Variants in HOOK3 observed in about 807,000 individuals in gnomAD.
HOOK3 encodes protein Hook homolog 3.
A neutral mutation model predicts 116.3 loss-of-function variants in HOOK3; 24 were observed. The observed-to-expected ratio is 0.21, with a 90% CI of 0.15 to 0.29. The LOEUF (loss-of-function observed/expected upper bound fraction) is 0.29. Among genes scored for constraint, HOOK3 ranks in the 10% least tolerant of loss-of-function variants. The pLI is 1.00. For missense variants in HOOK3, 632 were observed against 830.2 expected, an observed-to-expected ratio of 0.76 and a Z score of 2.93; for synonymous variants, 275 against 283.0, an observed-to-expected ratio of 0.97 and a Z score of 0.28.
chr8:43,018,349 A>G lies in HOOK3; in HGVS notation c.2017-9A>G, dbSNP rs768914739. On this transcript the variant is annotated splice_polypyrimidine_tract_variant and intron_variant, in intron 21 of 21. Coordinates refer to ENST00000307602, the MANE Select transcript of HOOK3 (RefSeq NM_032410.4). ...TTCATTGATTCCTTTTTTTGTTTTA[A>G]TGTTGCAGGGAATGACCCTGCATAA... 6.4e-7 allele frequency: 1 copy of G among 1,558,508 alleles called. No homozygotes were observed. The highest frequency in any genetic ancestry group is 2.3e-5 in the East Asian group (1 of 44,062).
At chr8:42,943,251 GTTTTT>G in intron 4 of HOOK3, 57 bp from the exon 5 acceptor site, 1 of 873,392 alleles carries the variant, frequency 1.1e-6, no homozygotes, top group Non-Finnish European at 1.5e-6. Context: ...CCTCGATCAA[GTTTTT>G]TTTTTTTTTG....
intron 15 of HOOK3, among the ~76,000 whole-genome samples, chr8:42,996,886 G>A (rs960586918): frequency 6.8e-6 from 1 of 147,606 alleles, no homozygotes; most frequent in African/African-American, 2.5e-5. Flanking sequence ...TTCCGTGAGG[G>A]CAGGGATCTT....
chr8:42,912,833 G>A (rs1485661856), intron 2 of HOOK3, among the ~76,000 whole-genome samples: 1 of 152,094 alleles, frequency 6.6e-6, no homozygotes, highest in Admixed American at 6.6e-5. Context: ...TGACAAATGC[G>A]TTTTATGTAT....
chr8:42,924,265 A>G (rs1807719215), intron 2 of HOOK3, among the ~76,000 whole-genome samples: 1 of 152,078 alleles, frequency 6.6e-6, no homozygotes, highest in Non-Finnish European at 1.5e-5. Flanking sequence ...ATCAATTTCA[A>G]AACCTGTAAA....
At position 42,932,071 on chromosome 8, in the gene HOOK3, G is replaced by A. The variant is rs138216668; in HGVS notation, c.267+1899G>A. On this transcript the variant is annotated intron_variant, in intron 4 of 21. Transcript: ENST00000307602. The stretch of plus-strand genomic sequence containing the variant: ...TTATATTATTAGAGCCATGAAATGA[G>A]GTTGGAGCCAGACCTCATGTAGTCA... 9.2e-5 allele frequency among the ~76,000 whole-genome samples: 14 copies of A among 152,250 alleles called. No homozygotes were observed. In the East Asian group the frequency reaches 2.1e-3, roughly 23 times the overall value.
chr8:42,970,252 T>C (rs1374398422), intron 11 of HOOK3, among the ~76,000 whole-genome samples: 1 of 152,166 alleles, frequency 6.6e-6, no homozygotes, highest in Non-Finnish European at 1.5e-5. Flanking sequence ...TGTATATGGG[T>C]TTATTTCTGG....
At chr8:42,989,123 A>G (rs1241604303) in intron 15 of HOOK3, among the ~76,000 whole-genome samples, 1 of 152,202 alleles carries the variant, frequency 6.6e-6, no homozygotes, top group Non-Finnish European at 1.5e-5. Flanking sequence ...CTCAAACAAT[A>G]TTAGAAGAGG....
At chr8:42,962,633 T>G (rs994966262) in intron 8 of HOOK3, among the ~76,000 whole-genome samples, 1 of 151,648 alleles carries the variant, frequency 6.6e-6, no homozygotes, top group East Asian at 1.9e-4. Flanking sequence ...CTCCAACTCC[T>G]AGCTCAAGTA....
chr8:43,005,307 G>A (rs1370903439), intron 17 of HOOK3, among the ~76,000 whole-genome samples: 4 of 137,010 alleles, frequency 2.9e-5, no homozygotes, highest in African/African-American at 8.3e-5. Context: ...TGCAAGCTCC[G>A]CTTCCCGGGT....
At chr8:42,926,157 C>T (rs1171823796) in intron 3 of HOOK3, among the ~76,000 whole-genome samples, 1 of 152,202 alleles carries the variant, frequency 6.6e-6, no homozygotes, top group Non-Finnish European at 1.5e-5. Context: ...TACATTGCAA[C>T]CAATTTCCTA....
intron 15 of HOOK3, among the ~76,000 whole-genome samples, chr8:42,995,394 C>T (rs1809244936): frequency 6.6e-6 from 1 of 152,142 alleles, no homozygotes; most frequent in South Asian, 2.1e-4. Context: ...CACCTTTCTA[C>T]TATATTCAGT....
intron 2 of HOOK3, among the ~76,000 whole-genome samples, chr8:42,914,783 C>T (rs967586846): frequency 6.6e-6 from 1 of 152,194 alleles, no homozygotes; most frequent in Non-Finnish European, 1.5e-5. Flanking sequence ...TGGATCATAT[C>T]CTTAAGCATA....
chr8:42,980,107 C>T (rs527301915), intron 13 of HOOK3, among the ~76,000 whole-genome samples: 4 of 151,876 alleles, frequency 2.6e-5, no homozygotes, highest in South Asian at 2.1e-4. Context: ...GAATTACAGG[C>T]GCCTGCCACC....
chr8:42,996,385 C>CAAAA (rs529268164), intron 15 of HOOK3, among the ~76,000 whole-genome samples: 1 of 55,932 alleles, frequency 1.8e-5, no homozygotes, highest in Non-Finnish European at 3.9e-5. Context: ...GACTCCGTCT[C>CAAAA]AAAAAAAAAA....
intron 15 of HOOK3, 119 bp downstream of exon 15, chr8:42,986,914 T>A (rs1278068559): frequency 9.3e-7 from 1 of 1,071,760 alleles, no homozygotes; most frequent in African/African-American, 1.6e-5. Flanking sequence ...CCCAGCACTT[T>A]GGGAGGCCCA....
intron 4 of HOOK3, among the ~76,000 whole-genome samples, chr8:42,938,717 T>C (rs896805863): frequency 4.6e-5 from 7 of 151,632 alleles, no homozygotes; most frequent in Non-Finnish European, 1.0e-4. Flanking sequence ...TTTATTTATT[T>C]ATTTATTTAT....
chr8:42,955,189 G>C (rs926028398), intron 6 of HOOK3, among the ~76,000 whole-genome samples: 1 of 152,158 alleles, frequency 6.6e-6, no homozygotes, highest in Non-Finnish European at 1.5e-5. Context: ...GTCTACTTTT[G>C]TGCAGTTCTT....
intron 17 of HOOK3, 138 bp downstream of exon 17, chr8:43,002,279 C>A: frequency 1.7e-6 from 1 of 573,844 alleles, no homozygotes; most frequent in Admixed American, 3.0e-5. Flanking sequence ...TTATGAGAGT[C>A]TGAAGGGTCA....
At chr8:42,919,202 C>T (rs1252159428) in intron 2 of HOOK3, among the ~76,000 whole-genome samples, 1 of 142,536 alleles carries the variant, frequency 7.0e-6, no homozygotes, top group African/African-American at 2.7e-5. Context: ...GGCTGCTGGG[C>T]AGAGGGGCTC....
Sources: gnomAD v4.1 joint callset for allele counts (sites outside exome capture counted in the v4.1 genomes callset) on GRCh38, gnomAD v4.1.1 for gene constraint, MANE v1.5 for transcripts, NCBI Gene and HGNC (gene_info 2026-07-23, HGNC 2026-07-21) for gene names.